Variants in UMAD1 observed in about 807,000 individuals in gnomAD.
UMAD1 encodes UBAP1-MVB12-associated (UMA) domain containing 1.
Under a neutral mutation model 6.1 loss-of-function variants are expected in UMAD1, and 8 were observed. That is an observed-to-expected ratio of 1.30 (90% CI 0.76 to 2.35). The LOEUF is 2.35. Among genes scored for constraint, UMAD1 ranks in the 30% most tolerant of loss-of-function variants. UMAD1 has a pLI of 0.00. For missense variants in UMAD1, 130 were observed against 78.4 expected (o/e 1.66, Z -2.49); for synonymous variants, 56 against 31.4 (o/e 1.78, Z -2.61).
At chr7:7,723,525 G>A (rs1250580335) in intron 2 of UMAD1, among the ~76,000 whole-genome samples, 3 of 152,144 alleles carry the variant, frequency 2.0e-5, no homozygotes, top group Non-Finnish European at 4.4e-5. Flanking sequence ...TGGTGGAGTG[G>A]ATTAGTCACT....
intron 2 of UMAD1, among the ~76,000 whole-genome samples, chr7:7,777,085 T>C (rs1031416730): frequency 6.6e-6 from 1 of 152,230 alleles, no homozygotes; most frequent in African/African-American, 2.4e-5. Flanking sequence ...TAAGACATTT[T>C]CAAGGTGGTA....
chr7:7,760,597 A>T (rs1170066165), intron 2 of UMAD1, among the ~76,000 whole-genome samples: 1 of 152,112 alleles, frequency 6.6e-6, no homozygotes, highest in Non-Finnish European at 1.5e-5. Context: ...TATACTACTG[A>T]ATGTAATTTA....
chr7:7,846,163 G>A (rs1252716901), intron 3 of UMAD1, among the ~76,000 whole-genome samples: 1 of 151,986 alleles, frequency 6.6e-6, no homozygotes, highest in African/African-American at 2.4e-5. Context: ...TGTAAATTGG[G>A]GTTAATACTA....
At chr7:7,718,022 T>C (rs1780960288) in intron 2 of UMAD1, among the ~76,000 whole-genome samples, 1 of 152,226 alleles carries the variant, frequency 6.6e-6, no homozygotes, top group African/African-American at 2.4e-5. Context: ...TTTTTAGAAT[T>C]GACACAATGA....
intron 2 of UMAD1, among the ~76,000 whole-genome samples, chr7:7,743,208 T>A (rs1563171235): frequency 6.6e-6 from 1 of 152,178 alleles, no homozygotes; most frequent in African/African-American, 2.4e-5. Context: ...TACTTACAAG[T>A]AAGTTGCTTT....
At chr7:7,670,635 T>A (rs959235971) in intron 1 of UMAD1, among the ~76,000 whole-genome samples, 2 of 152,222 alleles carry the variant, frequency 1.3e-5, no homozygotes, top group African/African-American at 4.8e-5. Context: ...CAAAGTTCAG[T>A]GCCTCTGGCT....
At chr7:7,658,975 A>G (rs558160814) in intron 1 of UMAD1, among the ~76,000 whole-genome samples, 6 of 152,210 alleles carry the variant, frequency 3.9e-5, no homozygotes, top group African/African-American at 1.4e-4. Flanking sequence ...TACTGCCTCA[A>G]TTTCAGAACT....
intron 3 of UMAD1, among the ~76,000 whole-genome samples, chr7:7,875,106 T>G (rs1784393274): frequency 6.6e-6 from 1 of 152,130 alleles, no homozygotes; most frequent in Admixed American, 6.6e-5. Flanking sequence ...AGACTTACAG[T>G]CTAAGAATTT....
chr7:7,745,504 A>G (rs907252606), intron 2 of UMAD1, among the ~76,000 whole-genome samples: 3 of 152,094 alleles, frequency 2.0e-5, no homozygotes, highest in African/African-American at 4.8e-5. Flanking sequence ...TTCAGGAAGC[A>G]TTTATTTTGG....
chr7:7,874,314 C>T (rs10241098), intron 3 of UMAD1, among the ~76,000 whole-genome samples: 77,726 of 152,032 alleles, frequency 0.51, 20,202 homozygotes, highest in Non-Finnish European at 0.54. Flanking sequence ...CTTCTTTCCC[C>T]GGCCACCCCA....
chr7:7,808,097 T>C (rs1047707144), intron 3 of UMAD1, among the ~76,000 whole-genome samples: 2 of 152,032 alleles, frequency 1.3e-5, no homozygotes, highest in African/African-American at 4.8e-5. Context: ...TATAAATCCA[T>C]GTTTGGGCTT....
chr7:7,685,029 A>C (rs1195455954), intron 2 of UMAD1, among the ~76,000 whole-genome samples: 2 of 152,226 alleles, frequency 1.3e-5, no homozygotes, highest in Non-Finnish European at 2.9e-5. Context: ...CTCAAAAATT[A>C]TGATGAGTGG....
chr7:7,643,606 G>A (rs1785025097), intron 1 of UMAD1, among the ~76,000 whole-genome samples: 1 of 152,098 alleles, frequency 6.6e-6, no homozygotes, highest in East Asian at 1.9e-4. Context: ...CAGCTACTCG[G>A]GAGGCTGAGG....
chr7:7,728,791 C>A (rs1454697979), intron 2 of UMAD1, among the ~76,000 whole-genome samples: 1 of 152,136 alleles, frequency 6.6e-6, no homozygotes, highest in East Asian at 1.9e-4. Context: ...TCACTATGTT[C>A]CTTCTCATTT....
intron 3 of UMAD1, among the ~76,000 whole-genome samples, chr7:7,855,885 C>T (rs1410306189): frequency 6.6e-6 from 1 of 152,210 alleles, no homozygotes; most frequent in East Asian, 1.9e-4. Flanking sequence ...TACATCGTCT[C>T]TCAAGTTCGA....
At chr7:7,780,115 CCT>C in intron 2 of UMAD1, among the ~76,000 whole-genome samples, 1 of 152,310 alleles carries the variant, frequency 6.6e-6, no homozygotes, top group South Asian at 2.1e-4. Flanking sequence ...TGTACATTTC[CCT>C]CTCTGTTGAC....
chr7:7,863,508 A>T (rs1784152204), intron 3 of UMAD1, among the ~76,000 whole-genome samples: 1 of 151,976 alleles, frequency 6.6e-6, no homozygotes, highest in Non-Finnish European at 1.5e-5. Flanking sequence ...TTAAACCCTT[A>T]GTTTGTTATA....
At chr7:7,789,459 TA>T (rs1214157516) in intron 2 of UMAD1, among the ~76,000 whole-genome samples, 1 of 152,242 alleles carries the variant, frequency 6.6e-6, no homozygotes, top group Non-Finnish European at 1.5e-5. Context: ...CTTATTTCTT[TA>T]ATTTTTTAAT....
chr7:7,725,490 C>G (rs768003061), intron 2 of UMAD1, among the ~76,000 whole-genome samples: 25 of 152,170 alleles, frequency 1.6e-4, no homozygotes, highest in Non-Finnish European at 3.5e-4. Flanking sequence ...CAAGGCCATG[C>G]CATCTTTTGC....
Sources: allele counts gnomAD v4.1 joint callset (sites outside exome capture counted in the v4.1 genomes callset), GRCh38; gene constraint gnomAD v4.1.1; transcripts MANE v1.5; gene names NCBI Gene and HGNC (gene_info 2026-07-23, HGNC 2026-07-21).